Variants in PDE1C observed in about 807,000 individuals in gnomAD.
PDE1C encodes dual specificity calcium/calmodulin-dependent 3',5'-cyclic nucleotide phosphodiesterase 1C.
In PDE1C, 62 loss-of-function variants were observed where a neutral mutation model predicts 93.1. That is an observed-to-expected ratio of 0.67 (90% CI 0.54 to 0.82). The LOEUF is 0.82. Among genes scored for constraint, PDE1C ranks in the 40% least tolerant of loss-of-function variants. The probability of loss-of-function intolerance (pLI) is 0.00; values close to 1 mark genes in which losing one functional copy is unlikely to be tolerated. For synonymous variants in PDE1C, 325 were observed against 310.1 expected (o/e 1.05, Z -0.50); for missense variants, 742 against 884.6 (o/e 0.84, Z 2.04).
chr7:32,353,350 T>C (rs1783966794), intron 1 of PDE1C, among the ~76,000 whole-genome samples: 1 of 15,418 alleles, frequency 6.5e-5, no homozygotes, highest in African/African-American at 9.3e-5. Flanking sequence ...TCGAGGAATG[T>C]ATCCATTTCT....
At chr7:31,633,133 C>T in the PDE1C span, among the ~76,000 whole-genome samples, 1 of 151,920 alleles carries the variant, frequency 6.6e-6, no homozygotes, top group South Asian at 2.1e-4. Context: ...GATCTGCCTG[C>T]CTCAGCCTCC....
At chr7:31,826,381 T>C (rs955975441) in intron 12 of PDE1C, among the ~76,000 whole-genome samples, 2 of 152,208 alleles carry the variant, frequency 1.3e-5, no homozygotes, top group Admixed American at 6.5e-5. Flanking sequence ...GCCAAAAGTG[T>C]ATTATGGTTA....
At chr7:31,649,864 T>C in the PDE1C span, among the ~76,000 whole-genome samples, 3 of 152,146 alleles carry the variant, frequency 2.0e-5, no homozygotes, top group Admixed American at 1.3e-4. Context: ...AAACAGATTG[T>C]GTTCAGCAAC....
intron 1 of PDE1C, among the ~76,000 whole-genome samples, chr7:32,321,580 G>T (rs1218002153): frequency 6.6e-6 from 1 of 152,172 alleles, no homozygotes; most frequent in African/African-American, 2.4e-5. Context: ...CTCTTCAAGT[G>T]AATTGTTCAA....
chr7:31,962,605 G>A (rs1358367669), intron 2 of PDE1C, among the ~76,000 whole-genome samples: 1 of 152,180 alleles, frequency 6.6e-6, no homozygotes, highest in African/African-American at 2.4e-5. Context: ...TGAAAATCTA[G>A]AGAAGGCTTC....
chr7:32,267,170 C>A (rs1810638618), intron 1 of PDE1C, among the ~76,000 whole-genome samples: 1 of 152,210 alleles, frequency 6.6e-6, no homozygotes, highest in African/African-American at 2.4e-5. Flanking sequence ...CGTTAGAGAC[C>A]CGACCCTGAG....
At chr7:31,643,279 G>A in the PDE1C span, 1 of 1,613,798 alleles carries the variant, frequency 6.2e-7, no homozygotes, top group Admixed American at 1.7e-5. Context: ...ACTCGTACCA[G>A]AAAGCTCATC....
intron 2 of PDE1C, among the ~76,000 whole-genome samples, chr7:31,886,870 G>GAATAGATCTTTTCAGAATA (rs1583793506): frequency 1.7e-3 from 199 of 119,110 alleles, no homozygotes; most frequent in African/African-American, 4.4e-3. Context: ...AGATCTATTC[G>GAATAGATCTTTTCAGAATA]GATCTATTCA....
At chr7:31,762,820 C>T (rs908620481) in intron 17 of PDE1C, among the ~76,000 whole-genome samples, 9 of 152,262 alleles carry the variant, frequency 5.9e-5, no homozygotes, top group Non-Finnish European at 8.8e-5. Flanking sequence ...CTGAACCAAA[C>T]GGCCACTAGT....
intron 3 of PDE1C, among the ~76,000 whole-genome samples, chr7:32,077,615 A>T (rs1935539255): frequency 6.6e-6 from 1 of 152,078 alleles, no homozygotes. Context: ...CTTGTTGCCC[A>T]GGCTGGAGTG....
intron 1 of PDE1C, among the ~76,000 whole-genome samples, chr7:32,343,863 G>C (rs1783803847): frequency 6.6e-6 from 1 of 152,066 alleles, no homozygotes; most frequent in Non-Finnish European, 1.5e-5. Flanking sequence ...TAATATTTTA[G>C]ATCAATTTGT....
At chr7:31,642,054 C>A in the PDE1C span, 1 of 541,250 alleles carries the variant, frequency 1.8e-6, no homozygotes, top group Non-Finnish European at 3.2e-6. Context: ...TTTGTTTTTT[C>A]TTCCACACAG....
intron 1 of PDE1C, among the ~76,000 whole-genome samples, chr7:32,308,323 A>G (rs1188731435): frequency 6.6e-6 from 1 of 152,314 alleles, no homozygotes; most frequent in African/African-American, 2.4e-5. Flanking sequence ...CAGACAAACA[A>G]AAAGACAGCA....
At position 31,777,664 on chromosome 7, in the gene PDE1C, AT is replaced by A. The variant is rs1211500390; in HGVS notation, c.1892-1933del. On this transcript the variant is annotated intron_variant, in intron 16 of 17. Coordinates refer to ENST00000396191, the MANE Select transcript of PDE1C (RefSeq NM_001191057.4). ...TAAACAACAGGGCACCAATCCTGACATTGTGTGACAAATGCCCTCCAGACAA... is the reference window on the plus strand; with the variant it reads ...TAAACAACAGGGCACCAATCCTGACATGTGTGACAAATGCCCTCCAGACAA... Among the ~76,000 whole-genome samples, 4 of 152,130 alleles carry A rather than the reference AT, an allele frequency of 2.6e-5. 1 individual carries two copies. Among genetic ancestry groups the A allele is most frequent in the Admixed American group, 2.0e-4 (3 of 15,274 alleles).
chr7:32,388,481 C>T (rs1784682790), intron 1 of PDE1C, among the ~76,000 whole-genome samples: 1 of 152,064 alleles, frequency 6.6e-6, no homozygotes, highest in South Asian at 2.1e-4. Context: ...AACCAACATA[C>T]CAGGCTGAGC....
At chr7:32,117,914 A>G (rs1183572766) in intron 3 of PDE1C, among the ~76,000 whole-genome samples, 1 of 152,178 alleles carries the variant, frequency 6.6e-6, no homozygotes, top group East Asian at 1.9e-4. Context: ...TCCACTCTCA[A>G]GAGGGAGCCA....
At chr7:31,945,658 G>C (rs991095759) in intron 2 of PDE1C, among the ~76,000 whole-genome samples, 1 of 151,974 alleles carries the variant, frequency 6.6e-6, no homozygotes, top group African/African-American at 2.4e-5. Context: ...TGGATTTTTT[G>C]GCATTTATCC....
chr7:31,758,452 C>T (rs915146201), intron 17 of PDE1C, among the ~76,000 whole-genome samples: 4 of 152,138 alleles, frequency 2.6e-5, no homozygotes, highest in African/African-American at 9.7e-5. Context: ...ATTGATATAA[C>T]AGTGAACAGA....
In PDE1C at chr7:32,344,094, G is replaced by A. The variant is rs144474246; in HGVS notation, c.310+83728C>T. 3.4e-3 allele frequency among the ~76,000 whole-genome samples: 525 copies of A among 152,228 alleles called. 5 individuals are homozygous for A. Among genetic ancestry groups the A allele is most frequent in the African/African-American group, 0.012 (499 of 41,524 alleles). The stretch of plus-strand genomic sequence containing the variant: ...TATTTTTTATTTATTTGTTTTTAGA[G>A]ACAGGATCTTGCTCTGTCACCTGGG... On this transcript the variant is annotated intron_variant, in intron 1 of 1. Transcript: ENST00000672256.
Sources: gnomAD v4.1 joint callset for allele counts (sites outside exome capture counted in the v4.1 genomes callset) on GRCh38, gnomAD v4.1.1 for gene constraint, MANE v1.5 for transcripts, NCBI Gene and HGNC (gene_info 2026-07-23, HGNC 2026-07-21) for gene names.